WWOX: variants seen among roughly 807,000 people sequenced by gnomAD.
WWOX encodes the protein WW domain-containing oxidoreductase.
In WWOX, 69 loss-of-function variants were observed where a neutral mutation model predicts 46.2. The observed-to-expected ratio is 1.49, with a 90% confidence interval of 1.23 to 1.82. WWOX has a LOEUF of 1.82. Among genes scored for constraint, WWOX ranks in the 40% most tolerant of loss-of-function variants. WWOX has a pLI of 0.00. For missense variants in WWOX, 919 were observed against 542.6 expected, an observed-to-expected ratio of 1.69 and a Z score of -6.89; for synonymous variants, 359 against 202.6, an observed-to-expected ratio of 1.77 and a Z score of -6.56.
chr16:78,371,980 C>T (rs1199751281), intron 5 of WWOX, among the ~76,000 whole-genome samples: 1 of 152,152 alleles, frequency 6.6e-6, no homozygotes, highest in East Asian at 1.9e-4. Flanking sequence ...TGGAAATAGA[C>T]ATGTGAGTGT....
chr16:78,432,776 G>A (rs763578418), intron 8 of WWOX, 24 bp downstream of exon 8: 2 of 1,613,808 alleles, frequency 1.2e-6, no homozygotes, highest in African/African-American at 1.3e-5. Flanking sequence ...TTCTGGCGCC[G>A]CAAACACCTT....
intron 8 of WWOX, among the ~76,000 whole-genome samples, chr16:78,686,874 C>G (rs557212981): frequency 3.9e-5 from 6 of 152,284 alleles, no homozygotes; most frequent in African/African-American, 7.2e-5. Flanking sequence ...TTCTTCTTTT[C>G]AAAAGGCATT....
intron 8 of WWOX, among the ~76,000 whole-genome samples, chr16:78,504,925 G>T (rs966263731): frequency 6.6e-6 from 1 of 151,970 alleles, no homozygotes; most frequent in African/African-American, 2.4e-5. Context: ...ATAATGACTG[G>T]GAAACGTTGC....
At chr16:79,171,136 G>A (rs912836964) in intron 8 of WWOX, among the ~76,000 whole-genome samples, 1 of 152,186 alleles carries the variant, frequency 6.6e-6, no homozygotes, top group Admixed American at 6.5e-5. Flanking sequence ...AATGCTTGCA[G>A]GAGTTGCCTT....
intron 8 of WWOX, among the ~76,000 whole-genome samples, chr16:78,529,774 T>G (rs897994486): frequency 1.3e-5 from 2 of 151,938 alleles, no homozygotes; most frequent in East Asian, 3.9e-4. Context: ...GCCCTCAGAG[T>G]GTTTTAAAAT....
intron 8 of WWOX, among the ~76,000 whole-genome samples, chr16:78,521,805 G>C (rs1204022703): frequency 6.6e-6 from 1 of 151,180 alleles, no homozygotes; most frequent in East Asian, 1.9e-4. Flanking sequence ...GGCATAAGAA[G>C]CCCATGTGAA....
intron 8 of WWOX, among the ~76,000 whole-genome samples, chr16:78,992,622 C>A (rs1014315998): frequency 1.3e-5 from 2 of 152,156 alleles, no homozygotes; most frequent in African/African-American, 4.8e-5. Flanking sequence ...GCTCCCCATC[C>A]CTTCCCATGA....
chr16:78,537,452 A>G (rs969607792), intron 8 of WWOX, among the ~76,000 whole-genome samples: 1 of 152,148 alleles, frequency 6.6e-6, no homozygotes, highest in South Asian at 2.1e-4. Context: ...TTAATGTGAT[A>G]CCTACTGCCT....
chr16:78,207,781 G>T (rs1289377004), intron 5 of WWOX, among the ~76,000 whole-genome samples: 1 of 149,666 alleles, frequency 6.7e-6, no homozygotes, highest in African/African-American at 2.4e-5. Flanking sequence ...AAAAAAAAAG[G>T]GTCTGTTATC....
chr16:79,062,337 A>G (rs1338144255), intron 8 of WWOX, among the ~76,000 whole-genome samples: 4 of 152,146 alleles, frequency 2.6e-5, no homozygotes, highest in Admixed American at 1.3e-4. Flanking sequence ...CTTCAGTTGG[A>G]TGGAGAAAAG....
At chr16:78,270,155 C>T (rs1434694467) in intron 5 of WWOX, 1 of 151,982 alleles carries the variant, frequency 6.6e-6, no homozygotes, top group East Asian at 1.9e-4. Flanking sequence ...TAGAAAAAGA[C>T]CCCTGTGATT....
intron 8 of WWOX, among the ~76,000 whole-genome samples, chr16:79,099,358 A>T (rs948405701): frequency 1.3e-5 from 2 of 152,176 alleles, no homozygotes; most frequent in African/African-American, 4.8e-5. Flanking sequence ...AAAAAGAAAA[A>T]CAATGTAAGG....
At chr16:78,919,145 A>G (rs2151266840) in intron 8 of WWOX, among the ~76,000 whole-genome samples, 1 of 152,300 alleles carries the variant, frequency 6.6e-6, no homozygotes, top group South Asian at 2.1e-4. Flanking sequence ...CAATGACCGC[A>G]ATAACCAACA....
chr16:78,735,445 C>T (rs192800504), intron 8 of WWOX, among the ~76,000 whole-genome samples: 6 of 141,964 alleles, frequency 4.2e-5, no homozygotes, highest in African/African-American at 1.7e-4. Context: ...TTCTGATTCT[C>T]TGGAGAACCC....
At chr16:78,100,986 C>T (rs546393427) in intron 1 of WWOX, among the ~76,000 whole-genome samples, 4 of 152,046 alleles carry the variant, frequency 2.6e-5, no homozygotes, top group Admixed American at 2.6e-4. Flanking sequence ...ATCTGATTTT[C>T]AGCATCTGGG....
chr16:78,963,059 T>C (rs957973917), intron 8 of WWOX, among the ~76,000 whole-genome samples: 3 of 152,238 alleles, frequency 2.0e-5, no homozygotes, highest in African/African-American at 7.2e-5. Context: ...AGAATTGTAC[T>C]GTAAGTACTC....
intron 8 of WWOX, among the ~76,000 whole-genome samples, chr16:78,819,373 C>T (rs959389204): frequency 2.0e-5 from 3 of 152,154 alleles, no homozygotes; most frequent in Non-Finnish European, 4.4e-5. Flanking sequence ...GAGCTGTGTC[C>T]GCCAGTGTGT....
intron 5 of WWOX, among the ~76,000 whole-genome samples, chr16:78,334,923 T>TAAA (rs1555521541): frequency 7.2e-6 from 1 of 138,178 alleles, no homozygotes. Context: ...CCATCTTTTT[T>TAAA]TAAAAAAAAA....
At chr16:78,136,895 C>G (rs1465394382) in intron 4 of WWOX, among the ~76,000 whole-genome samples, 2 of 152,160 alleles carry the variant, frequency 1.3e-5, no homozygotes, top group African/African-American at 4.8e-5. Context: ...AGTGCTAGGT[C>G]AGGCCAGACC....
Sources: allele counts gnomAD v4.1 joint callset (sites outside exome capture counted in the v4.1 genomes callset), GRCh38; gene constraint gnomAD v4.1.1; transcripts MANE v1.5; gene names NCBI Gene and HGNC (gene_info 2026-07-23, HGNC 2026-07-21).